THBD: variants seen among roughly 807,000 people sequenced by gnomAD.
THBD encodes thrombomodulin.
For missense variants in THBD, 850 were observed against 816.9 expected, an observed-to-expected ratio of 1.04 and a Z score of -0.49; for synonymous variants, 449 against 374.2, an observed-to-expected ratio of 1.20 and a Z score of -2.31.
chr20:23,048,914 G>A lies in THBD; in HGVS notation c.591C>T (p.Phe197=), dbSNP rs1377394971. The change falls in exon 1 of 1, where the codon TTC becomes TTT. Residue 197 remains phenylalanine (F), a synonymous_variant. Coordinates refer to ENST00000377103, the MANE Select transcript of THBD (RefSeq NM_000361.3). ...CCTGGAAGTCCGCTCCGCGGGCCGCGAACGGGGTGCCGTAGGTGATCGAGA... is the reference window on the plus strand; with the variant it reads ...CCTGGAAGTCCGCTCCGCGGGCCGCAAACGGGGTGCCGTAGGTGATCGAGA... ...AAVSITYGTP[F]AARGADFQAL... The A allele has an allele frequency of 5.9e-6, 9 of 1,526,134 alleles. No homozygotes were observed. Among genetic ancestry groups the A allele is most frequent in the South Asian group, 2.4e-5 (2 of 83,594 alleles). 94.5% of individuals were successfully genotyped at this position (1,526,134 alleles called of 1,614,324 possible).
At position 23,049,653 on chromosome 20, in the gene THBD, T is replaced by C; in HGVS notation, c.-149A>G. On this transcript the variant is annotated 5_prime_UTR_variant, in exon 1 of 1. Coordinates refer to ENST00000377103, the MANE Select transcript of THBD (RefSeq NM_000361.3). Reference sequence around the variant, plus strand: ...ACTTCTTGCCGCTGCGCGCAGCCCCTGCGAGGCAGCCTCTGACATGCGGAT... The same window carrying C: ...ACTTCTTGCCGCTGCGCGCAGCCCCCGCGAGGCAGCCTCTGACATGCGGAT... The C allele has an allele frequency of 9.2e-7, 1 of 1,088,442 alleles. No homozygotes were observed. The highest frequency in any genetic ancestry group is 1.4e-5 in the South Asian group (1 of 71,874). The allele number at this position is 1,088,442 out of a possible 1,614,324, so 67.4% of individuals were successfully genotyped here.
chr20:23,048,199 C>G lies in THBD; in HGVS notation c.1306G>C (p.Gly436Arg), dbSNP rs866190947. 6.2e-7 allele frequency: 1 copy of G among 1,614,050 alleles called. No individual in the cohort carries two copies. The part of the protein sequence containing the change: ...ECPEGYILDD[G>R]FICTDIDECE... ...TCGTCGATGTCCGTGCAGATGAAAC[C>G]GTCGTCCAGGATGTAGCCTTCAGGG... Residue 436 changes from glycine to arginine, a missense_variant, in exon 1 of 1, where the codon GGT becomes CGT. Gly to Arg is a moderately radical substitution (Grantham distance 125). Coordinates refer to ENST00000377103, the MANE Select transcript of THBD (RefSeq NM_000361.3).
rs1209881286 is a variant in THBD, at chr20:23,048,760, T to C, written c.745A>G (p.Asn249Asp). The change falls in exon 1 of 1, where the codon AAC becomes GAC. Residue 249 changes from asparagine to aspartate, a missense_variant. By Grantham distance (23) the Asn-to-Asp change is conservative. Coordinates refer to ENST00000377103, the MANE Select transcript of THBD (RefSeq NM_000361.3). The stretch of plus-strand genomic sequence containing the variant: ...TTGCACGCGTGCTCGCAGCCGCCGT[T>C]CTCCACGCTGCAGTCCCAAGCGCCC... The part of the protein sequence containing the change: ...APGAWDCSVE[N>D]GGCEHACNAI... The C allele has an allele frequency of 4.5e-6, 7 of 1,558,550 alleles. No individual in the cohort carries two copies. Among genetic ancestry groups the C allele is most frequent in the South Asian group, 2.3e-5 (2 of 86,352 alleles).
Position 23,048,612 on chromosome 20 carries a change from G to A in THBD, c.893C>T (p.Pro298Leu). 1 of 1,598,300 alleles carries A rather than the reference G, an allele frequency of 6.3e-7. No homozygotes were observed. The highest frequency in any genetic ancestry group is 2.2e-5 in the East Asian group (1 of 44,826). ...CNDLCEHFCV[P>L]NPDQPGSYSC... ...GTAGGAGCCCGGCTGGTCGGGGTTG[G>A]GAACGCAGAAGTGCTCGCAGAGGTC... The change falls in exon 1 of 1, where the codon CCC becomes CTC. Residue 298 changes from proline to leucine, a missense_variant. Coordinates refer to ENST00000377103, the MANE Select transcript of THBD (RefSeq NM_000361.3).
rs1984565038 is a variant in THBD at position 23,046,155 on chromosome 20, G to A, written c.*1622C>T. The A allele has an allele frequency of 6.6e-6, 1 of 152,572 alleles. No individual in the cohort carries two copies. The highest frequency in any genetic ancestry group is 1.5e-5 in the Non-Finnish European group (1 of 68,042). 9.5% of individuals were successfully genotyped at this position (152,572 alleles called of 1,614,324 possible). A position where few individuals can be genotyped will look rare whatever the true frequency, so the allele number is the denominator to read the frequency against. On this transcript the variant is annotated 3_prime_UTR_variant, in exon 1 of 1. Coordinates refer to ENST00000377103, the MANE Select transcript of THBD (RefSeq NM_000361.3). The stretch of plus-strand genomic sequence containing the variant: ...TGTCTTACAAAAGTTACATTTCTAT[G>A]ATACATTTATTTCCATACACTGAAG...
Position 23,048,958 on chromosome 20 carries a change from C to G in THBD, c.547G>C (p.Gly183Arg). 1 of 1,551,828 alleles carries G rather than the reference C, an allele frequency of 6.4e-7. No individual in the cohort carries two copies. ...ATCRPLAVEP[G>R]AAAAAVSITY... ...ATCGAGACGGCGGCAGCCGCGGCGC[C>G]GGGCTCCACAGCCAGTGGCCTGCAG... is the stretch of plus-strand genomic sequence containing the variant. The change falls in exon 1 of 1, where the codon GGC (glycine) becomes CGC (arginine). Residue 183 changes from glycine (G) to arginine (R), a missense_variant. Transcript: ENST00000377103.
In THBD at chr20:23,048,131, G is replaced by T; in HGVS notation, c.1374C>A (p.Leu458=). The T allele has an allele frequency of 6.2e-7, 1 of 1,613,684 alleles. No homozygotes were observed. The highest frequency in any genetic ancestry group is 1.1e-5 in the South Asian group (1 of 91,088). ...GGFCSGVCHN[L]PGTFECICGP... ...CGCAGATGCACTCGAAGGTACCGGG[G>T]AGGTTGTGGCACACCCCGGAGCAGA... The change falls in exon 1 of 1, where the codon CTC becomes CTA. Residue 458 remains leucine (L), a synonymous_variant. Transcript: ENST00000377103.
In THBD at chr20:23,047,693, G is replaced by T; in HGVS notation, c.*84C>A. 1 of 1,462,258 alleles carries T rather than the reference G, an allele frequency of 6.8e-7. No homozygotes were observed. The highest frequency in any genetic ancestry group is 9.2e-7 in the Non-Finnish European group (1 of 1,088,620). 90.6% of individuals were successfully genotyped at this position (1,462,258 alleles called of 1,614,324 possible). ...GGGGAGGGTCTTCTCCAGCTGTAATGCCAGCTAAGGTGCTTTGGTAGCAAA... is the reference window on the plus strand; with the variant it reads ...GGGGAGGGTCTTCTCCAGCTGTAATTCCAGCTAAGGTGCTTTGGTAGCAAA... On this transcript the variant is annotated 3_prime_UTR_variant, in exon 1 of 1. Coordinates refer to ENST00000377103, the MANE Select transcript of THBD (RefSeq NM_000361.3).
rs1600409218 is a variant in THBD at position 23,047,949 on chromosome 20, A to G, written c.1556T>C (p.Ile519Thr). ...AVGLVHSGLL[I>T]GISIASLCLV... ...GCACAGGCTCGCGATGGAGATGCCT[A>G]TGAGCAAGCCCGAATGCACGAGCCC... is the stretch of plus-strand genomic sequence containing the variant. Residue 519 changes from isoleucine to threonine, a missense_variant, in exon 1 of 1, where the codon ATA becomes ACA. By Grantham distance (89) the Ile-to-Thr change is moderately conservative (BLOSUM62 -1). Coordinates refer to ENST00000377103, the MANE Select transcript of THBD (RefSeq NM_000361.3). 2 of 1,609,878 alleles carry G rather than the reference A, an allele frequency of 1.2e-6. No individual in the cohort carries two copies. Among genetic ancestry groups the G allele is most frequent in the Non-Finnish European group, 1.7e-6 (2 of 1,178,530 alleles).
In THBD at chr20:23,049,206, T is replaced by C; in HGVS notation, c.299A>G (p.Lys100Arg). The change falls in exon 1 of 1, where the codon AAG becomes AGG. Residue 100 changes from lysine (K) to arginine (R), a missense_variant. Physicochemically the swap from Lys to Arg is conservative, Grantham distance 26. Transcript: ENST00000377103. ...GAAGCCGCGCAGGGGCCCGAGGCGC[T>C]TGGGGTCGCCGCAGCCGGGTGGCAG... Reference protein sequence around the residue: ...LQLPPGCGDPKRLGPLRGFQW... With the variant: ...LQLPPGCGDPRRLGPLRGFQW... 1.3e-6 allele frequency: 2 copies of C among 1,560,960 alleles called. No individual in the cohort carries two copies. The highest frequency in any genetic ancestry group is 1.7e-6 in the Non-Finnish European group (2 of 1,152,500).
chr20:23,048,648 T>C lies in THBD; in HGVS notation c.857A>G (p.Gln286Arg). 1 of 1,594,406 alleles carries C rather than the reference T, an allele frequency of 6.3e-7. No individual in the cohort carries two copies. The highest frequency in any genetic ancestry group is 1.3e-5 in the African/African-American group (1 of 74,986). Residue 286 changes from glutamine to arginine, a missense_variant, in exon 1 of 1, where the codon CAG becomes CGG. Gln to Arg is a conservative substitution (Grantham distance 43). Transcript: ENST00000377103. ...GTGCTCGCAGAGGTCGTTGCAGGACTGCGTCGCGGATGCGGTGCAGGAGCG... is the reference window on the plus strand; with the variant it reads ...GTGCTCGCAGAGGTCGTTGCAGGACCGCGTCGCGGATGCGGTGCAGGAGCG... ...DGRSCTASAT[Q>R]SCNDLCEHFC... is the part of the protein sequence containing the mutation.
chr20:23,047,795 C>T lies in THBD; in HGVS notation c.1710G>A (p.Arg570=), dbSNP rs1394861028. The part of the protein sequence containing the change: ...EVVLQHVRTE[R]TPQRL ...AGGCCGCTCAGAGTCTCTGCGGCGT[C>T]CGCTCGGTCCGCACGTGCTGCAGCA... The change falls in exon 1 of 1, where the codon CGG becomes CGA. Residue 570 remains arginine, a synonymous_variant. Transcript: ENST00000377103. 3.1e-6 allele frequency: 5 copies of T among 1,589,984 alleles called. No homozygotes were observed. The Middle Eastern group carries it at 5.6e-4, about 177-fold the overall frequency.
rs1485432744 is a variant in THBD at position 23,048,652 on chromosome 20, T to C, written c.853A>G (p.Thr285Ala). 1 of 1,593,742 alleles carries C rather than the reference T, an allele frequency of 6.3e-7. No individual in the cohort carries two copies. Among genetic ancestry groups the C allele is most frequent in the Non-Finnish European group, 8.5e-7 (1 of 1,177,426 alleles). The part of the protein sequence containing the change: ...ADGRSCTASA[T>A]QSCNDLCEHF... ...TCGCAGAGGTCGTTGCAGGACTGCG[T>C]CGCGGATGCGGTGCAGGAGCGCCCG... The change falls in exon 1 of 1, where the codon ACG becomes GCG. Residue 285 changes from threonine (T) to alanine (A), a missense_variant. Coordinates refer to ENST00000377103, the MANE Select transcript of THBD (RefSeq NM_000361.3).
rs993568004 is a variant in THBD at position 23,049,242 on chromosome 20, A to C, written c.263T>G (p.Ile88Ser). 8 of 1,486,164 alleles carry C rather than the reference A, an allele frequency of 5.4e-6. No homozygotes were observed. Among genetic ancestry groups the C allele is most frequent in the Non-Finnish European group, 7.2e-6 (8 of 1,111,234 alleles). 92.1% of individuals were successfully genotyped at this position (1,486,164 alleles called of 1,614,324 possible). A position where few individuals can be genotyped will look rare whatever the true frequency, so the allele number is the denominator to read the frequency against. The change falls in exon 1 of 1, where the codon ATC becomes AGC. Residue 88 changes from isoleucine to serine, a missense_variant. Ile to Ser is a moderately radical substitution (Grantham distance 142). Transcript: ENST00000377103. ...GCAGCCGGGTGGCAGCTGCAGGCCGATCCAGAGGCGCCGGCGGCCAACGCC... is the reference window on the plus strand; with the variant it reads ...GCAGCCGGGTGGCAGCTGCAGGCCGCTCCAGAGGCGCCGGCGGCCAACGCC... ...DGGVGRRRLW[I>S]GLQLPPGCGD...
In THBD at chr20:23,048,882, G is replaced by C. The variant is rs763737197; in HGVS notation, c.623C>G (p.Pro208Arg). ...AGCCACCGCGGCGGAGCTGCCCACCGGCAGCGCCTGGAAGTCCGCTCCGCG... is the reference window on the plus strand; with the variant it reads ...AGCCACCGCGGCGGAGCTGCCCACCCGCAGCGCCTGGAAGTCCGCTCCGCG... ...AARGADFQAL[P>R]VGSSAAVAPL... is the part of the protein sequence containing the mutation. Residue 208 changes from proline (P) to arginine (R), a missense_variant, in exon 1 of 1, where the codon CCG (proline) becomes CGG (arginine). Transcript: ENST00000377103. 5 of 1,509,392 alleles carry C rather than the reference G, an allele frequency of 3.3e-6. No individual in the cohort carries two copies. In the Admixed American group the frequency reaches 6.3e-5, roughly 19 times the overall value. The allele number at this position is 1,509,392 out of a possible 1,614,324, so 93.5% of individuals were successfully genotyped here.
In THBD at chr20:23,049,218, C is replaced by T. The variant is rs1188550848; in HGVS notation, c.287G>A (p.Cys96Tyr). The T allele has an allele frequency of 1.9e-6, 3 of 1,547,324 alleles. No homozygotes were observed. Among genetic ancestry groups the T allele is most frequent in the Admixed American group, 3.9e-5 (2 of 50,960 alleles). Residue 96 changes from cysteine (C) to tyrosine (Y), a missense_variant, in exon 1 of 1, where the codon TGC (cysteine) becomes TAC (tyrosine). Physicochemically the swap from Cys to Tyr is radical, Grantham distance 194. Coordinates refer to ENST00000377103, the MANE Select transcript of THBD (RefSeq NM_000361.3). Reference protein sequence around the residue: ...LWIGLQLPPGCGDPKRLGPLR... With the variant: ...LWIGLQLPPGYGDPKRLGPLR... ...GGGCCCGAGGCGCTTGGGGTCGCCG[C>T]AGCCGGGTGGCAGCTGCAGGCCGAT...
Position 23,048,575 on chromosome 20 carries a change from G to T in THBD, c.930C>A (p.Cys310Ter). The change falls in exon 1 of 1, where the codon TGC (cysteine) becomes TGA (stop). Residue 310 changes from cysteine (C) to a stop codon, truncating the protein, a stop_gained. Transcript: ENST00000377103. LOFTEE classifies it low-confidence loss of function (END_TRUNC). Reference sequence around the variant, plus strand: ...CGGCCGCCAGCCGGTAGCCGGTCTCGCACATGCACGAGTAGGAGCCCGGCT... The same window carrying T: ...CGGCCGCCAGCCGGTAGCCGGTCTCTCACATGCACGAGTAGGAGCCCGGCT... Reference protein sequence around the residue: ...PDQPGSYSCMCETGYRLAADQ... With the variant: ...PDQPGSYSCM 6.2e-7 allele frequency: 1 copy of T among 1,600,202 alleles called. No homozygotes were observed. The highest frequency in any genetic ancestry group is 8.5e-7 in the Non-Finnish European group (1 of 1,179,810).
Position 23,049,314 on chromosome 20 carries a change from G to C in THBD, c.191C>G (p.Ser64Cys). Residue 64 changes from serine to cysteine, a missense_variant, in exon 1 of 1, where the codon TCC (serine) becomes TGC (cysteine). By Grantham distance (112) the Ser-to-Cys change is moderately radical. Coordinates refer to ENST00000377103, the MANE Select transcript of THBD (RefSeq NM_000361.3). ...GLRGHLMTVR[S>C]SVAADVISLL... ...GGAAATGACATCGGCAGCCACCGAGGAGCGCACTGTCATTAGGTGGCCCCG... is the reference window on the plus strand; with the variant it reads ...GGAAATGACATCGGCAGCCACCGAGCAGCGCACTGTCATTAGGTGGCCCCG... 1.3e-6 allele frequency: 2 copies of C among 1,597,400 alleles called. No homozygotes were observed. Among genetic ancestry groups the C allele is most frequent in the Non-Finnish European group, 8.5e-7 (1 of 1,173,622 alleles).
In THBD at chr20:23,046,753, C is replaced by T. The variant is rs1449381279; in HGVS notation, c.*1024G>A. On this transcript the variant is annotated 3_prime_UTR_variant, in exon 1 of 1. Coordinates refer to ENST00000377103, the MANE Select transcript of THBD (RefSeq NM_000361.3). ...GTTTGAAGCTTTCTTGAACTGTCTC[C>T]TGGGAGGTGTTTGTCTCTTCTCTCA... 2 of 152,222 alleles carry T rather than the reference C, an allele frequency of 1.3e-5. No homozygotes were observed. Among genetic ancestry groups the T allele is most frequent in the African/African-American group, 4.8e-5 (2 of 41,448 alleles). 9.4% of individuals were successfully genotyped at this position (152,222 alleles called of 1,614,324 possible). A position where few individuals can be genotyped will look rare whatever the true frequency, so the allele number is the denominator to read the frequency against.
Sources: allele counts gnomAD v4.1 joint callset, GRCh38; gene constraint gnomAD v4.1.1; transcripts MANE v1.5; gene names NCBI Gene and HGNC (gene_info 2026-07-23, HGNC 2026-07-21).